NUP54: variants seen among roughly 807,000 people sequenced by gnomAD.
The protein encoded by NUP54 is nucleoporin 54, also known as nucleoporin p54.
In NUP54, 27 loss-of-function variants were observed where a neutral mutation model predicts 66.4. That is an observed-to-expected ratio of 0.41 (90% CI 0.30 to 0.56). The LOEUF (loss-of-function observed/expected upper bound fraction) is 0.56. NUP54 is among the 20% of genes least tolerant of loss of function. NUP54 has a pLI of 0.34. For missense variants in NUP54, 486 were observed against 596.3 expected (o/e 0.82, Z 1.93); for synonymous variants, 206 against 210.7 (o/e 0.98, Z 0.19).
chr4:76,132,750 T>G, intron 5 of NUP54, 31 bp from the exon 6 acceptor site: 1 of 1,556,222 alleles, frequency 6.4e-7, no homozygotes, highest in Non-Finnish European at 8.8e-7. Flanking sequence ...TTATAAAATA[T>G]GGAGCACAAA....
chr4:76,145,719 G>C, intron 1 of NUP54: 1 of 332,124 alleles, frequency 3.0e-6, no homozygotes. Context: ...TGAACCATTA[G>C]TGTCGAATTA....
At chr4:76,125,551 C>CT (rs1423106430) in intron 8 of NUP54, among the ~76,000 whole-genome samples, 1 of 141,524 alleles carries the variant, frequency 7.1e-6, no homozygotes, top group Non-Finnish European at 1.5e-5. Context: ...GGGAGGATCA[C>CT]TTGAGCCCAG....
In NUP54 at chr4:76,148,080, G is replaced by T. The variant is rs146123124; in HGVS notation, c.67+228C>A. The stretch of plus-strand genomic sequence containing the variant: ...CGAACCGCTCAAGCCAGGGCCCTGT[G>T]GAAACTCACGCGCGGCAAGCGAGCT... On this transcript the variant is annotated intron_variant, in intron 1 of 11. Coordinates refer to ENST00000264883, the MANE Select transcript of NUP54 (RefSeq NM_017426.4). 3,598 of 420,214 alleles carry T rather than the reference G, an allele frequency of 8.6e-3. 28 individuals are homozygous for T. Among genetic ancestry groups the T allele is most frequent in the Non-Finnish European group, 0.011 (2,654 of 237,428 alleles). The allele number at this position is 420,214 out of a possible 1,614,324, so 26.0% of individuals were successfully genotyped here. A position where few individuals can be genotyped will look rare whatever the true frequency, so the allele number is the denominator to read the frequency against.
In NUP54 at chr4:76,118,069, G is replaced by A. The variant is rs181930810; in HGVS notation, c.1284+6C>T. On this transcript the variant is annotated splice_donor_region_variant and intron_variant, in intron 10 of 11. Coordinates refer to ENST00000264883, the MANE Select transcript of NUP54 (RefSeq NM_017426.4). The stretch of plus-strand genomic sequence containing the variant: ...ATTTTAGAATTATGGTCTTAGAAGT[G>A]GTTACCTTGAACTGAGTAGGTGCAT... 6.8e-6 allele frequency: 11 copies of A among 1,613,202 alleles called. No homozygotes were observed. The Admixed American group carries it at 1.5e-4, about 22-fold the overall frequency.
chr4:76,115,997 C>T (rs1729935203), intron 11 of NUP54, among the ~76,000 whole-genome samples: 1 of 152,152 alleles, frequency 6.6e-6, no homozygotes, highest in South Asian at 2.1e-4. Flanking sequence ...CATTTAAAAT[C>T]CTTTTGAGCC....
chr4:76,125,341 C>T (rs1730431051), intron 8 of NUP54, among the ~76,000 whole-genome samples: 1 of 137,954 alleles, frequency 7.2e-6, no homozygotes, highest in Admixed American at 7.4e-5. Flanking sequence ...CACACACACA[C>T]ACACACACAC....
At chr4:76,121,960 GTT>G (rs1186403871) in intron 9 of NUP54, among the ~76,000 whole-genome samples, 14 of 152,038 alleles carry the variant, frequency 9.2e-5, no homozygotes, top group Admixed American at 3.3e-4. Context: ...TTCTTTGCTT[GTT>G]TTATTTATGA....
At chr4:76,135,460 A>T (rs1049586156) in intron 4 of NUP54, among the ~76,000 whole-genome samples, 2 of 152,196 alleles carry the variant, frequency 1.3e-5, no homozygotes, top group African/African-American at 4.8e-5. Flanking sequence ...AACTATATGC[A>T]CTCAATATAC....
intron 1 of NUP54, chr4:76,147,755 C>A (rs530577417): frequency 3.9e-6 from 3 of 778,850 alleles, no homozygotes; most frequent in South Asian, 3.5e-5. Context: ...AGTGAACAAA[C>A]CTGGTTTTGC....
chr4:76,147,673 TA>T (rs1320862317), intron 1 of NUP54: 4 of 1,268,680 alleles, frequency 3.2e-6, no homozygotes, highest in Non-Finnish European at 4.1e-6. Flanking sequence ...AACAAAATTT[TA>T]AAAAGGGGGA....
In NUP54 at chr4:76,122,461, T is replaced by C. The variant is rs550304856; in HGVS notation, c.1164+2188A>G. ...GTCCCTGGCAACTACTAATCTGTTA[T>C]CTGTCCCTAATTTTCTTTTGTATAA... On this transcript the variant is annotated intron_variant, in intron 9 of 11. Coordinates refer to ENST00000264883, the MANE Select transcript of NUP54 (RefSeq NM_017426.4). Among the ~76,000 whole-genome samples, 9 of 152,376 alleles carry C rather than the reference T, an allele frequency of 5.9e-5. No homozygotes were observed. The South Asian group carries it at 6.2e-4, about 11-fold the overall frequency.
chr4:76,134,337 C>T lies in NUP54; in HGVS notation c.548G>A (p.Ser183Asn). 6.2e-7 allele frequency: 1 copy of T among 1,613,440 alleles called. No homozygotes were observed. Among genetic ancestry groups the T allele is most frequent in the Non-Finnish European group, 8.5e-7 (1 of 1,179,744 alleles). ...FKAVGYSCMP[S>N]NKDEDGLVVL... The stretch of plus-strand genomic sequence containing the variant: ...CACTAGCCCATCTTCATCTTTATTA[C>T]TGGGCATGCAACTATAACCTACTGC... The change falls in exon 5 of 12, where the codon AGT becomes AAT. Residue 183 changes from serine to asparagine, a missense_variant. Around this residue, in one of 4 missense-constraint regions of NUP54, gnomAD observed 217 missense variants for 247.9 expected, o/e 0.88. Transcript: ENST00000264883.
At chr4:76,124,479 A>G (rs776633520) in intron 9 of NUP54, 170 bp downstream of exon 9, 2 of 407,122 alleles carry the variant, frequency 4.9e-6, no homozygotes, top group Non-Finnish European at 8.7e-6. Flanking sequence ...ACTCAAACCT[A>G]TGAGACTTGT....
At chr4:76,133,480 TG>T (rs1185134021) in intron 5 of NUP54, among the ~76,000 whole-genome samples, 3 of 151,992 alleles carry the variant, frequency 2.0e-5, no homozygotes, top group Non-Finnish European at 4.4e-5. Context: ...TGATTTTTTT[TG>T]TATTTTTAGT....
At chr4:76,125,927 A>G (rs1471669771) in intron 8 of NUP54, among the ~76,000 whole-genome samples, 2 of 148,152 alleles carry the variant, frequency 1.3e-5, no homozygotes, top group Non-Finnish European at 3.0e-5. Context: ...GAAAACACAT[A>G]CTTCAGAAAT....
rs1729896323 is a variant in NUP54 at position 76,115,236 on chromosome 4, ACTT to A, written c.*127_*129del. The stretch of plus-strand genomic sequence containing the variant: ...TTGATGAACAGTAATTTGTCAGTAA[ACTT>A]CTCAAAAAACCAATCCAAGAAAGAA... On this transcript the variant is annotated 3_prime_UTR_variant, in exon 12 of 12. Transcript: ENST00000264883. 1.3e-6 allele frequency: 1 copy of A among 765,784 alleles called. No individual in the cohort carries two copies. The highest frequency in any genetic ancestry group is 3.1e-5 in the East Asian group (1 of 31,772). The allele number at this position is 765,784 out of a possible 1,614,324, so 47.4% of individuals were successfully genotyped here.
At chr4:76,136,731 G>T (rs9918072) in intron 3 of NUP54, among the ~76,000 whole-genome samples, 10 of 152,094 alleles carry the variant, frequency 6.6e-5, no homozygotes, top group Middle Eastern at 3.4e-3. Context: ...TGGAAGAGCC[G>T]CGAGCCAAGA....
intron 10 of NUP54, 95 bp downstream of exon 10, chr4:76,117,980 C>CA (rs1466148701): frequency 1.5e-6 from 2 of 1,295,602 alleles, no homozygotes; most frequent in African/African-American, 2.9e-5. Context: ...ATAAGAAACA[C>CA]AAGTATACAA....
chr4:76,115,465 G>C lies in NUP54; in HGVS notation c.1425C>G (p.Ser475Arg). Residue 475 changes from serine (S) to arginine (R), a missense_variant, in exon 12 of 12, where the codon AGC becomes AGG. This residue lies in a region of NUP54 where 83 missense variants were observed against 128.6 expected (regional missense o/e 0.65). Coordinates refer to ENST00000264883, the MANE Select transcript of NUP54 (RefSeq NM_017426.4). ...QHLKQQQEGLSHLISIIKDDL... is the reference protein window; with the variant it reads ...QHLKQQQEGLRHLISIIKDDL... ...CGTCTTTAATGATGCTAATCAAATG[G>C]CTAAGGCCTTCCTGTTGTTGTTTCA... The C allele has an allele frequency of 6.2e-7, 1 of 1,608,004 alleles. No homozygotes were observed. The highest frequency in any genetic ancestry group is 8.5e-7 in the Non-Finnish European group (1 of 1,177,620).
Sources: gnomAD v4.1 joint callset for allele counts (sites outside exome capture counted in the v4.1 genomes callset) on GRCh38, gnomAD v4.1.1 for gene constraint, gnomAD v4.1.1 regional missense constraint, MANE v1.5 for transcripts, NCBI Gene and HGNC (gene_info 2026-07-23, HGNC 2026-07-21) for gene names.